The following MAN1A2 variants were observed in gnomAD, a reference collection of about 807,000 sequenced individuals.
The protein encoded by MAN1A2 is mannosyl-oligosaccharide 1,2-alpha-mannosidase IB.
In MAN1A2, 26 loss-of-function variants were observed where a neutral mutation model predicts 75.7. The observed-to-expected ratio is 0.34, with a 90% CI of 0.25 to 0.48. MAN1A2 has a LOEUF of 0.48. Among genes scored for constraint, MAN1A2 ranks in the 20% least tolerant of loss-of-function variants. The pLI, the probability that MAN1A2 is intolerant of heterozygous loss-of-function variation, is 0.99. For missense variants in MAN1A2, 562 were observed against 775.5 expected, an observed-to-expected ratio of 0.72 and a Z score of 3.27; for synonymous variants, 247 against 264.6, an observed-to-expected ratio of 0.93 and a Z score of 0.65.
intron 5 of MAN1A2, among the ~76,000 whole-genome samples, chr1:117,432,642 C>T (rs1212871979): frequency 2.6e-5 from 4 of 152,070 alleles, no homozygotes; most frequent in Admixed American, 2.6e-4. Context: ...ACAAAATTAA[C>T]TCCAAGTTAA....
chr1:117,436,370 G>A (rs1648850216), intron 5 of MAN1A2, among the ~76,000 whole-genome samples: 1 of 152,182 alleles, frequency 6.6e-6, no homozygotes, highest in African/African-American at 2.4e-5. Flanking sequence ...TGCTGGTGCT[G>A]ATGTCTTTGG....
At chr1:117,483,606 C>T (rs1033235573) in intron 8 of MAN1A2, among the ~76,000 whole-genome samples, 2 of 152,056 alleles carry the variant, frequency 1.3e-5, no homozygotes, top group African/African-American at 4.8e-5. Flanking sequence ...TGAGACTTTG[C>T]TGAAGTTGCT....
At chr1:117,386,595 C>A (rs532813441) in intron 1 of MAN1A2, among the ~76,000 whole-genome samples, 1 of 152,120 alleles carries the variant, frequency 6.6e-6, no homozygotes, top group East Asian at 1.9e-4. Flanking sequence ...CTGTCTGCAC[C>A]CTCTGGCTGA....
intron 12 of MAN1A2, among the ~76,000 whole-genome samples, chr1:117,519,364 A>C (rs902827469): frequency 6.6e-6 from 1 of 151,630 alleles, no homozygotes; most frequent in Non-Finnish European, 1.5e-5. Flanking sequence ...AAATTGAAAC[A>C]AAAAAAATAC....
intron 5 of MAN1A2, among the ~76,000 whole-genome samples, chr1:117,441,376 G>A (rs1179975015): frequency 1.3e-5 from 2 of 151,792 alleles, no homozygotes; most frequent in East Asian, 3.9e-4. Flanking sequence ...AAAGTATTTG[G>A]CTGCAGTAAA....
At chr1:117,445,868 G>GTA (rs1256464203) in intron 6 of MAN1A2, among the ~76,000 whole-genome samples, 5 of 94,208 alleles carry the variant, frequency 5.3e-5, no homozygotes, top group Non-Finnish European at 8.7e-5. Context: ...GTATGTGTGT[G>GTA]TGTGTCTGTG....
At chr1:117,514,702 G>GT in intron 12 of MAN1A2, 1 of 411,138 alleles carries the variant, frequency 2.4e-6, no homozygotes, top group South Asian at 2.0e-5. Flanking sequence ...AAGTGACTAA[G>GT]TAATATATTT....
intron 1 of MAN1A2, among the ~76,000 whole-genome samples, chr1:117,389,266 T>C (rs1247344699): frequency 6.6e-6 from 1 of 152,182 alleles, no homozygotes; most frequent in Non-Finnish European, 1.5e-5. Flanking sequence ...CCCAATCTTT[T>C]TGGGACCAGG....
intron 1 of MAN1A2, among the ~76,000 whole-genome samples, chr1:117,386,120 C>G (rs889224081): frequency 1.4e-4 from 22 of 152,146 alleles, no homozygotes; most frequent in African/African-American, 5.3e-4. Flanking sequence ...GATTCTGTTA[C>G]CATTATACTA....
intron 1 of MAN1A2, among the ~76,000 whole-genome samples, chr1:117,393,650 C>T (rs549085076): frequency 6.6e-6 from 1 of 152,100 alleles, no homozygotes; most frequent in South Asian, 2.1e-4. Flanking sequence ...ATTGTTGATT[C>T]ATTTAGCATT....
At chr1:117,505,599 C>T (rs1651334620) in intron 12 of MAN1A2, among the ~76,000 whole-genome samples, 2 of 150,938 alleles carry the variant, frequency 1.3e-5, no homozygotes, top group African/African-American at 4.9e-5. Flanking sequence ...ATAACATCAC[C>T]TAGGCTAAGA....
At chr1:117,372,697 A>C (rs1653003193) in intron 1 of MAN1A2, among the ~76,000 whole-genome samples, 2 of 152,198 alleles carry the variant, frequency 1.3e-5, no homozygotes, top group African/African-American at 4.8e-5. Flanking sequence ...TAATATACAT[A>C]AAGTAATATA....
At chr1:117,497,722 G>T (rs1034370489) in intron 10 of MAN1A2, among the ~76,000 whole-genome samples, 3 of 151,710 alleles carry the variant, frequency 2.0e-5, no homozygotes, top group Non-Finnish European at 4.4e-5. Flanking sequence ...AAGACAAAAG[G>T]TTTCTTAGGG....
intron 1 of MAN1A2, among the ~76,000 whole-genome samples, chr1:117,386,430 TG>T (rs1455208851): frequency 6.6e-6 from 1 of 152,156 alleles, no homozygotes; most frequent in African/African-American, 2.4e-5. Context: ...ATATGTGGGC[TG>T]GGTATGCTAA....
intron 8 of MAN1A2, among the ~76,000 whole-genome samples, chr1:117,469,529 A>C (rs1343382232): frequency 6.6e-6 from 1 of 151,118 alleles, no homozygotes; most frequent in Admixed American, 6.6e-5. Flanking sequence ...AAGACGACCC[A>C]CAGAATGAGA....
chr1:117,506,900 A>G (rs1570800057), intron 12 of MAN1A2, among the ~76,000 whole-genome samples: 4 of 151,660 alleles, frequency 2.6e-5, no homozygotes, highest in African/African-American at 2.4e-5. Context: ...GTAAGAAGGA[A>G]GAATCAGAGA....
chr1:117,511,908 G>T (rs1350965836), intron 12 of MAN1A2, among the ~76,000 whole-genome samples: 1 of 151,958 alleles, frequency 6.6e-6, no homozygotes, highest in Non-Finnish European at 1.5e-5. Flanking sequence ...TGTTTTATCC[G>T]CAGTATCTAC....
intron 8 of MAN1A2, among the ~76,000 whole-genome samples, chr1:117,488,726 T>C (rs1650790445): frequency 1.3e-5 from 2 of 152,072 alleles, no homozygotes; most frequent in South Asian, 4.1e-4. Flanking sequence ...AAGTGAGAAG[T>C]AATAGCATTT....
In MAN1A2 at chr1:117,412,703, A is replaced by T. The variant is rs182701173; in HGVS notation, c.656-2010A>T. 7.2e-4 allele frequency among the ~76,000 whole-genome samples: 109 copies of T among 151,944 alleles called. 1 individual carries two copies. The highest frequency in any genetic ancestry group is 2.6e-3 in the African/African-American group (108 of 41,540). Reference sequence around the variant, plus strand: ...CATGTTTTGCTGCTTCTTTGACCCAAGAATAGTGTTAGGCTTTTTCATTTT... The same window carrying T: ...CATGTTTTGCTGCTTCTTTGACCCATGAATAGTGTTAGGCTTTTTCATTTT... On this transcript the variant is annotated intron_variant, in intron 3 of 12. Coordinates refer to ENST00000356554, the MANE Select transcript of MAN1A2 (RefSeq NM_006699.5).
Sources: allele counts gnomAD v4.1 joint callset (sites outside exome capture counted in the v4.1 genomes callset), GRCh38; gene constraint gnomAD v4.1.1; transcripts MANE v1.5; gene names NCBI Gene and HGNC (gene_info 2026-07-23, HGNC 2026-07-21).